SCFD2: variants seen among roughly 807,000 people sequenced by gnomAD.
SCFD2 encodes sec1 family domain containing 2.
A neutral mutation model predicts 58.9 loss-of-function variants in SCFD2; 54 were observed. That is an observed-to-expected ratio of 0.92 (90% CI 0.74 to 1.15). The LOEUF is 1.15. Ranked by LOEUF, SCFD2 falls within the 50% of genes most tolerant of loss-of-function variation. SCFD2 has a pLI of 0.00. For missense variants in SCFD2, 805 were observed against 836.6 expected, an observed-to-expected ratio of 0.96 and a Z score of 0.47; for synonymous variants, 321 against 335.9, an observed-to-expected ratio of 0.96 and a Z score of 0.49.
At position 53,238,392 on chromosome 4, in the gene SCFD2, CTGGCGGGGGGCTG is replaced by C. The variant is rs1425425756; in HGVS notation, c.1311+35421_1311+35433del. Reference sequence around the variant, plus strand: ...CTCCCTCCCGGACAGGGCGGCTGGCCTGGCGGGGGGCTGACCCCCCTACCTCCCTCCCGGATGG... The same window carrying C: ...CTCCCTCCCGGACAGGGCGGCTGGCCACCCCCCTACCTCCCTCCCGGATGG... On this transcript the variant is annotated intron_variant, in intron 4 of 8. Coordinates refer to ENST00000401642, the MANE Select transcript of SCFD2 (RefSeq NM_152540.4). Among the ~76,000 whole-genome samples, 47 of 135,384 alleles carry C rather than the reference CTGGCGGGGGGCTG, an allele frequency of 3.5e-4. No homozygotes were observed. In the South Asian group the frequency reaches 4.3e-3, roughly 12 times the overall value. 88.8% of individuals were successfully genotyped at this position (135,384 alleles called of 152,430 possible).
chr4:53,158,681 T>C (rs112177652), intron 4 of SCFD2, among the ~76,000 whole-genome samples: 1 of 152,210 alleles, frequency 6.6e-6, no homozygotes, highest in Non-Finnish European at 1.5e-5. Flanking sequence ...CCACTTAAAA[T>C]TATTTAAAGT....
At chr4:53,164,943 G>A (rs776638461) in intron 4 of SCFD2, among the ~76,000 whole-genome samples, 8 of 152,180 alleles carry the variant, frequency 5.3e-5, no homozygotes, top group Non-Finnish European at 1.0e-4. Context: ...ACGATTCTAA[G>A]TAGCAACAAT....
intron 5 of SCFD2, among the ~76,000 whole-genome samples, chr4:53,029,387 T>A (rs1722560712): frequency 1.3e-5 from 2 of 152,238 alleles, no homozygotes; most frequent in Non-Finnish European, 2.9e-5. Flanking sequence ...GGTAAACAGG[T>A]GGTCAGAGGC....
At chr4:53,023,458 C>T (rs1467809270) in intron 5 of SCFD2, among the ~76,000 whole-genome samples, 2 of 151,926 alleles carry the variant, frequency 1.3e-5, no homozygotes, top group Non-Finnish European at 2.9e-5. Flanking sequence ...AGGCTTAGCC[C>T]CTACTCACAG....
chr4:53,114,375 A>G (rs1440023804), intron 5 of SCFD2, among the ~76,000 whole-genome samples: 1 of 152,104 alleles, frequency 6.6e-6, no homozygotes, highest in African/African-American at 2.4e-5. Context: ...TTTCGCCCCC[A>G]CTGAATGCAA....
In SCFD2 at chr4:52,992,281, G is replaced by A. The variant is rs546955925; in HGVS notation, c.1562-71411C>T. On this transcript the variant is annotated intron_variant, in intron 5 of 8. Transcript: ENST00000401642. The stretch of plus-strand genomic sequence containing the variant: ...TAACCGCGAGTGATCTGCCAGCCTC[G>A]GCCTCCTGAGGTGCCGGGATTGCAG... 1.6e-4 allele frequency among the ~76,000 whole-genome samples: 25 copies of A among 152,288 alleles called. No homozygotes were observed. In the East Asian group the frequency reaches 2.3e-3, roughly 14 times the overall value.
chr4:53,108,615 A>T (rs566583745), intron 5 of SCFD2, among the ~76,000 whole-genome samples: 3 of 152,332 alleles, frequency 2.0e-5, no homozygotes, highest in African/African-American at 7.2e-5. Context: ...TAGAAAATCT[A>T]GAAGAAATGG....
chr4:53,065,519 T>G (rs1171444292), intron 5 of SCFD2, among the ~76,000 whole-genome samples: 1 of 152,074 alleles, frequency 6.6e-6, no homozygotes, highest in Non-Finnish European at 1.5e-5. Flanking sequence ...CCTAAAAGAA[T>G]TTGTTATTTT....
chr4:53,179,784 C>T (rs1361487741), intron 4 of SCFD2, among the ~76,000 whole-genome samples: 2 of 151,802 alleles, frequency 1.3e-5, no homozygotes, highest in Non-Finnish European at 1.5e-5. Context: ...CACATAGGCT[C>T]AAAATAAAGG....
intron 4 of SCFD2, among the ~76,000 whole-genome samples, chr4:53,190,377 C>T (rs1218651377): frequency 6.6e-6 from 1 of 152,116 alleles, no homozygotes; most frequent in Non-Finnish European, 1.5e-5. Flanking sequence ...ACATGGGCAT[C>T]CTTGCTCTTT....
At chr4:53,323,898 T>C (rs1168886101) in intron 2 of SCFD2, among the ~76,000 whole-genome samples, 1 of 152,214 alleles carries the variant, frequency 6.6e-6, no homozygotes, top group East Asian at 1.9e-4. Flanking sequence ...AAGAGGAATC[T>C]TCAGGCTTCC....
At chr4:53,341,087 C>T (rs1324063250) in intron 2 of SCFD2, among the ~76,000 whole-genome samples, 1 of 152,176 alleles carries the variant, frequency 6.6e-6, no homozygotes, top group Non-Finnish European at 1.5e-5. Flanking sequence ...TCCTCGTCAG[C>T]AACGGAACAA....
At chr4:52,918,366 T>C (rs532605687) in intron 6 of SCFD2, among the ~76,000 whole-genome samples, 1 of 152,184 alleles carries the variant, frequency 6.6e-6, no homozygotes, top group African/African-American at 2.4e-5. Flanking sequence ...CTAACAAATA[T>C]TTACTAAGCA....
chr4:53,221,459 ACT>A (rs1467225752), intron 4 of SCFD2, among the ~76,000 whole-genome samples: 1 of 152,136 alleles, frequency 6.6e-6, no homozygotes, highest in Non-Finnish European at 1.5e-5. Context: ...TTAAAACCCC[ACT>A]GAGTTCAAAT....
intron 4 of SCFD2, among the ~76,000 whole-genome samples, chr4:53,177,629 C>T (rs775725096): frequency 3.9e-5 from 6 of 152,248 alleles, no homozygotes; most frequent in South Asian, 2.1e-4. Flanking sequence ...ACTGAGGTAC[C>T]GGGTTCATCT....
chr4:52,912,219 A>G (rs1286938703), intron 6 of SCFD2, among the ~76,000 whole-genome samples: 1 of 152,160 alleles, frequency 6.6e-6, no homozygotes, highest in African/African-American at 2.4e-5. Context: ...CATTATAAAA[A>G]TTTATTCTAA....
intron 7 of SCFD2, among the ~76,000 whole-genome samples, chr4:52,894,692 C>A (rs1718958924): frequency 1.3e-5 from 2 of 152,208 alleles, no homozygotes; most frequent in African/African-American, 4.8e-5. Flanking sequence ...CACACACTGC[C>A]CTTTGAAGCT....
chr4:53,277,045 T>C (rs1224679349), intron 3 of SCFD2, among the ~76,000 whole-genome samples: 3 of 152,170 alleles, frequency 2.0e-5, no homozygotes, highest in Non-Finnish European at 4.4e-5. Flanking sequence ...GAGTTGTGAG[T>C]GTCATTCACT....
chr4:53,099,216 C>T (rs1724757338), intron 5 of SCFD2, among the ~76,000 whole-genome samples: 1 of 152,212 alleles, frequency 6.6e-6, no homozygotes, highest in Admixed American at 6.5e-5. Context: ...CGCCAGTTTT[C>T]CAAATCACTA....
Sources: allele counts gnomAD v4.1 joint callset (sites outside exome capture counted in the v4.1 genomes callset), GRCh38; gene constraint gnomAD v4.1.1; transcripts MANE v1.5; gene names NCBI Gene and HGNC (gene_info 2026-07-23, HGNC 2026-07-21).